EMILIN2: variants seen among roughly 807,000 people sequenced by gnomAD.
The protein encoded by EMILIN2 is elastin microfibril interfacer 2.
A neutral mutation model predicts 87.1 loss-of-function variants in EMILIN2; 71 were observed. That is an observed-to-expected ratio of 0.82 (90% CI 0.67 to 0.99). The LOEUF is 0.99. EMILIN2 is among the 50% of genes least tolerant of loss of function. The probability of loss-of-function intolerance (pLI) is 0.00; values close to 1 mark genes in which losing one functional copy is unlikely to be tolerated. For missense variants in EMILIN2, 1,407 were observed against 1,371.8 expected, an observed-to-expected ratio of 1.03 and a Z score of -0.40; for synonymous variants, 581 against 563.4, an observed-to-expected ratio of 1.03 and a Z score of -0.44.
At chr18:2,849,856 A>G (rs566717154) in intron 2 of EMILIN2, among the ~76,000 whole-genome samples, 2 of 152,250 alleles carry the variant, frequency 1.3e-5, no homozygotes, top group Admixed American at 1.3e-4. Flanking sequence ...TTCTTTAGGG[A>G]TGGAACAGAA....
At chr18:2,912,214 G>A (rs1300239225) in intron 7 of EMILIN2, among the ~76,000 whole-genome samples, 2 of 150,686 alleles carry the variant, frequency 1.3e-5, no homozygotes, top group South Asian at 4.2e-4. Context: ...AATTTTTTTT[G>A]TATTTTTAGT....
At position 2,892,481 on chromosome 18, in the gene EMILIN2, C is replaced by A; in HGVS notation, c.2354C>A (p.Ser785Ter). Reference protein sequence around the residue: ...DLQDLVKFQPSAKAPSPPPPA... With the variant: ...DLQDLVKFQP ...CAAGATCTGGTCAAATTTCAGCCAT[C>A]AGCAAGTAAGTTGAATATTACAATT... is the stretch of plus-strand genomic sequence containing the variant. Residue 785 changes from serine (S) to a stop codon, truncating the protein, a stop_gained, in exon 4 of 8, where the codon TCA (serine) becomes TAA (stop). Coordinates refer to ENST00000254528, the MANE Select transcript of EMILIN2 (RefSeq NM_032048.3). LOFTEE classifies it high-confidence loss of function. 6.3e-7 allele frequency: 1 copy of A among 1,586,910 alleles called. No individual in the cohort carries two copies. Among genetic ancestry groups the A allele is most frequent in the Non-Finnish European group, 8.6e-7 (1 of 1,162,792 alleles).
At position 2,909,923 on chromosome 18, in the gene EMILIN2, G is replaced by A. The variant is rs1568487268; in HGVS notation, c.2824+104G>A. ...GGTTCCCAGCGTCCCGTGGGCTCAGGGAGGACGCCACCCTGGAGCAGATGC... is the reference window on the plus strand; with the variant it reads ...GGTTCCCAGCGTCCCGTGGGCTCAGAGAGGACGCCACCCTGGAGCAGATGC... On this transcript the variant is annotated intron_variant, in intron 7 of 7. Coordinates refer to ENST00000254528, the MANE Select transcript of EMILIN2 (RefSeq NM_032048.3). 3.3e-6 allele frequency: 5 copies of A among 1,502,050 alleles called. No individual in the cohort carries two copies. In the South Asian group the frequency reaches 3.7e-5, roughly 11 times the overall value. 93.0% of individuals were successfully genotyped at this position (1,502,050 alleles called of 1,614,324 possible). A position where few individuals can be genotyped will look rare whatever the true frequency, so the allele number is the denominator to read the frequency against.
At chr18:2,879,626 A>C (rs1436138417) in intron 2 of EMILIN2, among the ~76,000 whole-genome samples, 1 of 151,708 alleles carries the variant, frequency 6.6e-6, no homozygotes, top group Admixed American at 6.6e-5. Context: ...GCACCACTGC[A>C]CTCCAGCCTG....
chr18:2,877,283 G>A (rs116230669), intron 2 of EMILIN2, among the ~76,000 whole-genome samples: 4,969 of 152,142 alleles, frequency 0.033, 279 homozygotes, highest in African/African-American at 0.11. Flanking sequence ...CTTTTCCTTC[G>A]ACCTAGTTTT....
At chr18:2,911,880 C>T (rs1452982138) in intron 7 of EMILIN2, among the ~76,000 whole-genome samples, 2 of 152,256 alleles carry the variant, frequency 1.3e-5, no homozygotes, top group African/African-American at 2.4e-5. Flanking sequence ...ACACTCAAAA[C>T]GCCAGGGCTG....
chr18:2,891,526 C>A lies in EMILIN2; in HGVS notation c.1399C>A (p.His467Asn). Residue 467 changes from histidine (H) to asparagine (N), a missense_variant, in exon 4 of 8, where the codon CAT becomes AAT. His to Asn is a moderately conservative substitution (Grantham distance 68, BLOSUM62 1). Transcript: ENST00000254528. This position sits in a 1 kb window ranked among gnomAD's most constrained non-coding sequence, Gnocchi z 4.6. ...INVTEKNAEE[H>N]CFYIEETLRG... ...TGTGACGGAGAAGAACGCTGAAGAA[C>A]ATTGCTTTTACATTGAGGAAACCCT... The A allele has an allele frequency of 6.2e-7, 1 of 1,614,196 alleles. No homozygotes were observed. The highest frequency in any genetic ancestry group is 8.5e-7 in the Non-Finnish European group (1 of 1,180,038).
rs140673472 is a variant in EMILIN2 at position 2,863,432 on chromosome 18, T to C, written c.257+15501T>C. Among the ~76,000 whole-genome samples, 16 of 152,344 alleles carry C rather than the reference T, an allele frequency of 1.1e-4. No homozygotes were observed. The East Asian group carries it at 3.1e-3, about 29-fold the overall frequency. ...GTGGTACGTTGTGTCTTTGTTCTCG[T>C]TGGTTTCACAGAACATCTTTATTTC... On this transcript the variant is annotated intron_variant, in intron 2 of 7. Coordinates refer to ENST00000254528, the MANE Select transcript of EMILIN2 (RefSeq NM_032048.3).
At chr18:2,910,049 G>A (rs1312914201) in intron 7 of EMILIN2, among the ~76,000 whole-genome samples, 1 of 152,154 alleles carries the variant, frequency 6.6e-6, no homozygotes, top group African/African-American at 2.4e-5. Context: ...ACATTTTCTA[G>A]TCGTGAGGTC....
chr18:2,863,581 G>C (rs1038620437), intron 2 of EMILIN2, among the ~76,000 whole-genome samples: 1 of 152,208 alleles, frequency 6.6e-6, no homozygotes, highest in African/African-American at 2.4e-5. Flanking sequence ...TGTGGTCTGA[G>C]AGACAGTTTG....
chr18:2,881,686 G>A (rs867077497), intron 2 of EMILIN2, among the ~76,000 whole-genome samples: 20 of 152,212 alleles, frequency 1.3e-4, no homozygotes, highest in South Asian at 4.1e-4. Flanking sequence ...TCTCCTGGCC[G>A]ATGAACAAAA....
rs74795212 is a variant in EMILIN2 at position 2,848,127 on chromosome 18, G to A, written c.257+196G>A. On this transcript the variant is annotated intron_variant, in intron 2 of 7. Transcript: ENST00000254528. This position sits in a 1 kb window ranked among gnomAD's most constrained non-coding sequence, Gnocchi z 4.1. ...GCTATTTAGGGAGTGGGTGCTGCCCGAGTGAGTGGGGAGGATGCGCGCGCC... is the reference window on the plus strand; with the variant it reads ...GCTATTTAGGGAGTGGGTGCTGCCCAAGTGAGTGGGGAGGATGCGCGCGCC... Among the ~76,000 whole-genome samples the A allele has an allele frequency of 0.027, 4,172 of 152,326 alleles. 109 individuals carry two copies. The highest frequency in any genetic ancestry group is 0.12 in the South Asian group (577 of 4,830).
At chr18:2,878,352 T>C (rs1221378978) in intron 2 of EMILIN2, among the ~76,000 whole-genome samples, 1 of 151,928 alleles carries the variant, frequency 6.6e-6, no homozygotes, top group East Asian at 1.9e-4. Context: ...TAGCCAGGTG[T>C]GGTGGCAGGT....
At chr18:2,882,883 CA>C (rs35511550) in intron 2 of EMILIN2, among the ~76,000 whole-genome samples, 105,600 of 146,632 alleles carry the variant, frequency 0.72, 38,168 homozygotes, top group Non-Finnish European at 0.76. Context: ...AACATCATCT[CA>C]AAAAAAAAAA....
intron 2 of EMILIN2, among the ~76,000 whole-genome samples, chr18:2,882,436 G>A (rs981585850): frequency 6.6e-6 from 1 of 152,162 alleles, no homozygotes; most frequent in African/African-American, 2.4e-5. Context: ...GATGGCTCAG[G>A]CTAAGAACCA....
intron 2 of EMILIN2, among the ~76,000 whole-genome samples, chr18:2,867,145 T>C (rs2076690491): frequency 6.6e-6 from 1 of 152,106 alleles, no homozygotes; most frequent in African/African-American, 2.4e-5. Context: ...GGGATATTGG[T>C]CTGTAGTTTT....
intron 2 of EMILIN2, among the ~76,000 whole-genome samples, chr18:2,857,598 G>A (rs558577585): frequency 4.2e-4 from 64 of 152,320 alleles, no homozygotes; most frequent in Non-Finnish European, 6.6e-4. Context: ...AACTCAGGGC[G>A]TGGGACGAGT....
intron 2 of EMILIN2, among the ~76,000 whole-genome samples, chr18:2,858,565 A>ATGTG (rs2076642071): frequency 2.9e-5 from 2 of 67,818 alleles, no homozygotes; most frequent in African/African-American, 2.1e-4. Flanking sequence ...ATATATATAT[A>ATGTG]TATATGTGTG....
intron 6 of EMILIN2, 28 bp downstream of exon 6, chr18:2,909,003 G>A (rs2076928152): frequency 2.5e-6 from 4 of 1,612,712 alleles, no homozygotes; most frequent in Admixed American, 1.7e-5. Context: ...CCAGGAGCAG[G>A]AGGAGCGGTC....
Sources: allele counts gnomAD v4.1 joint callset (sites outside exome capture counted in the v4.1 genomes callset), GRCh38; gene constraint gnomAD v4.1.1; non-coding constraint Gnocchi (gnomAD v3.1); transcripts MANE v1.5; gene names NCBI Gene and HGNC (gene_info 2026-07-23, HGNC 2026-07-21).